Variants in FGF14 observed in about 807,000 individuals in gnomAD.
The protein encoded by FGF14 is fibroblast growth factor 14.
Under a neutral mutation model 25.5 loss-of-function variants are expected in FGF14, and 5 were observed. That is an observed-to-expected ratio of 0.20 (90% CI 0.10 to 0.41). FGF14 has a LOEUF of 0.41. Ranked by LOEUF, FGF14 falls within the 10% of genes least tolerant of loss-of-function variation. The pLI, the probability that FGF14 is intolerant of heterozygous loss-of-function variation, is 1.00. For missense variants in FGF14, 222 were observed against 320.1 expected (o/e 0.69, Z 2.34); for synonymous variants, 138 against 118.3 (o/e 1.17, Z -1.08).
At position 102,006,724 on chromosome 13, in the gene FGF14, CTTCTTTTTTT is replaced by C. The variant is rs1236164945; in HGVS notation, c.209-131438_209-131429del. Among the ~76,000 whole-genome samples, 428 of 97,966 alleles carry C rather than the reference CTTCTTTTTTT, an allele frequency of 4.4e-3. 2 individuals are homozygous for C. The highest frequency in any genetic ancestry group is 0.012 in the African/African-American group (282 of 24,440). The allele number at this position is 97,966 out of a possible 152,430, so 64.3% of individuals were successfully genotyped here. A position where few individuals can be genotyped will look rare whatever the true frequency, so the allele number is the denominator to read the frequency against. ...CTGAAATATGAGTCACAAAATCTTA[CTTCTTTTTTT>C]TTTTTTTTTTTTTTTTTTTTTGAGA... On this transcript the variant is annotated intron_variant, in intron 1 of 4. Coordinates refer to the FGF14 transcript ENST00000376131.
At position 101,722,702 on chromosome 13, in the gene FGF14, G is replaced by A. The variant is rs1430748576; in HGVS notation, c.*129C>T. The A allele has an allele frequency of 5.4e-6, 7 of 1,293,484 alleles. 1 individual carries two copies. Among genetic ancestry groups the A allele is most frequent in the South Asian group, 3.8e-5 (3 of 78,764 alleles). 80.1% of individuals were successfully genotyped at this position (1,293,484 alleles called of 1,614,324 possible). ...TTATCCACTTGCAACAGAGAAGTTC[G>A]GAGACAGCAAAGAATAAGCATTAGC... is the stretch of plus-strand genomic sequence containing the variant. On this transcript the variant is annotated 3_prime_UTR_variant, in exon 5 of 5. Transcript: ENST00000376143.
intron 1 of FGF14, among the ~76,000 whole-genome samples, chr13:101,886,074 T>C (rs1321123339): frequency 6.6e-6 from 1 of 152,208 alleles, no homozygotes; most frequent in Non-Finnish European, 1.5e-5. Flanking sequence ...GATCCAAATC[T>C]ACTAGGAAGT....
At chr13:102,188,883 G>A (rs2048977167) in intron 1 of FGF14, among the ~76,000 whole-genome samples, 1 of 151,076 alleles carries the variant, frequency 6.6e-6, no homozygotes, top group Non-Finnish European at 1.5e-5. Flanking sequence ...AGAGGTTGCA[G>A]TGAGCTGAGA....
At chr13:102,300,930 CACACACAT>C (rs199923379) in intron 1 of FGF14, among the ~76,000 whole-genome samples, 34,471 of 115,094 alleles carry the variant, frequency 0.3, 4,134 homozygotes, top group Admixed American at 0.4. Context: ...GACACACACA[CACACACAT>C]ACACACACAC....
At chr13:102,142,817 A>G (rs604185) in intron 1 of FGF14, among the ~76,000 whole-genome samples, 15,574 of 152,180 alleles carry the variant, frequency 0.1, 843 homozygotes, top group African/African-American at 0.14. Flanking sequence ...TCTCTAAAAC[A>G]CAAATTTTGA....
intron 1 of FGF14, among the ~76,000 whole-genome samples, chr13:102,276,349 G>GTA (rs1208210428): frequency 1.2e-4 from 4 of 32,762 alleles, no homozygotes; most frequent in African/African-American, 5.6e-4. Flanking sequence ...GTGTGTGTGT[G>GTA]TGTGTATATA....
intron 1 of FGF14, among the ~76,000 whole-genome samples, chr13:102,223,862 C>G (rs2050720571): frequency 6.6e-6 from 1 of 152,030 alleles, no homozygotes; most frequent in Admixed American, 6.6e-5. Flanking sequence ...GACGCTGTCT[C>G]AAAACAAAAC....
rs534440396 is a variant in FGF14 at position 102,037,415 on chromosome 13, C to T, written c.209-162119G>A. On this transcript the variant is annotated intron_variant, in intron 1 of 4. Transcript: ENST00000376131. The stretch of plus-strand genomic sequence containing the variant: ...GGCCTCTCTCCTCTATTTTCAAAGC[C>T]AGCAAAATTGCATCACTCTGTGCTT... Among the ~76,000 whole-genome samples the T allele has an allele frequency of 3.3e-5, 5 of 152,172 alleles. No homozygotes were observed. The East Asian group carries it at 9.7e-4, about 30-fold the overall frequency.
At chr13:101,765,859 G>T (rs1244715430) in intron 3 of FGF14, among the ~76,000 whole-genome samples, 1 of 152,116 alleles carries the variant, frequency 6.6e-6, no homozygotes, top group Non-Finnish European at 1.5e-5. Context: ...CTCCTGAGTA[G>T]CTGGGATTAC....
chr13:102,143,351 ATGTG>A (rs924131678), intron 1 of FGF14, among the ~76,000 whole-genome samples: 3 of 152,132 alleles, frequency 2.0e-5, no homozygotes, highest in Non-Finnish European at 4.4e-5. Context: ...TTAAAAAAAA[ATGTG>A]TGTGTGTTTA....
At chr13:101,837,585 T>C (rs574295646) in intron 3 of FGF14, among the ~76,000 whole-genome samples, 1 of 152,226 alleles carries the variant, frequency 6.6e-6, no homozygotes, top group East Asian at 1.9e-4. Context: ...TTTATATTGA[T>C]CTTTGAGAAA....
intron 1 of FGF14, among the ~76,000 whole-genome samples, chr13:102,006,679 G>A (rs947911062): frequency 3.5e-5 from 5 of 144,668 alleles, no homozygotes; most frequent in Admixed American, 6.9e-5. Context: ...ATAACCAAAG[G>A]CCTTGAAAAA....
chr13:101,758,910 A>T (rs1301023082), intron 3 of FGF14, among the ~76,000 whole-genome samples: 3 of 152,162 alleles, frequency 2.0e-5, no homozygotes, highest in Non-Finnish European at 4.4e-5. Flanking sequence ...CTTTGAGACA[A>T]TCTGACTTAA....
intron 1 of FGF14, among the ~76,000 whole-genome samples, chr13:101,894,412 GA>G (rs2030298646): frequency 6.6e-6 from 1 of 152,018 alleles, no homozygotes; most frequent in African/African-American, 2.4e-5. Flanking sequence ...AGCATCTCAG[GA>G]ATTATCTATT....
At chr13:102,042,472 C>A (rs1484989910) in intron 1 of FGF14, among the ~76,000 whole-genome samples, 2 of 152,180 alleles carry the variant, frequency 1.3e-5, no homozygotes, top group African/African-American at 4.8e-5. Flanking sequence ...GTAAGTACTT[C>A]CACCTGTTGG....
intron 1 of FGF14, among the ~76,000 whole-genome samples, chr13:102,370,824 G>C (rs2057858584): frequency 6.6e-6 from 1 of 151,624 alleles, no homozygotes; most frequent in Non-Finnish European, 1.5e-5. Flanking sequence ...AGTACTGTTT[G>C]TTAGGAGAGA....
chr13:101,805,297 A>G (rs2041133210), intron 3 of FGF14, among the ~76,000 whole-genome samples: 1 of 152,194 alleles, frequency 6.6e-6, no homozygotes, highest in Admixed American at 6.6e-5. Context: ...GAGGTCTACA[A>G]AGATATTTAT....
At chr13:101,952,188 G>A (rs2036210830) in intron 1 of FGF14, among the ~76,000 whole-genome samples, 4 of 152,070 alleles carry the variant, frequency 2.6e-5, no homozygotes. Flanking sequence ...TGAAGGATAA[G>A]AAGATGACTT....
At chr13:102,276,334 T>G in intron 1 of FGF14, among the ~76,000 whole-genome samples, 1 of 32,704 alleles carries the variant, frequency 3.1e-5, no homozygotes, top group African/African-American at 8.2e-5. Flanking sequence ...CACACGTACG[T>G]GTGTGTGTGT....
Sources: allele counts gnomAD v4.1 joint callset (sites outside exome capture counted in the v4.1 genomes callset), GRCh38; gene constraint gnomAD v4.1.1; transcripts MANE v1.5; gene names NCBI Gene and HGNC (gene_info 2026-07-23, HGNC 2026-07-21).